Variants in XRN1 observed in about 807,000 individuals in gnomAD.
The protein encoded by XRN1 is strand-exchange protein 1 homolog.
In XRN1, 67 loss-of-function variants were observed where a neutral mutation model predicts 222.3. That is an observed-to-expected ratio of 0.30 (90% CI 0.25 to 0.37). XRN1 has a LOEUF of 0.37. Ranked by LOEUF, XRN1 falls within the 10% of genes least tolerant of loss-of-function variation. The pLI, the probability that XRN1 is intolerant of heterozygous loss-of-function variation, is 1.00. For synonymous variants in XRN1, 643 were observed against 652.4 expected, an observed-to-expected ratio of 0.99 and a Z score of 0.22; for missense variants, 1,707 against 2,000.2, an observed-to-expected ratio of 0.85 and a Z score of 2.80.
chr3:142,336,615 G>A (rs1019883148), intron 33 of XRN1, among the ~76,000 whole-genome samples: 1 of 150,348 alleles, frequency 6.7e-6, no homozygotes, highest in Non-Finnish European at 1.5e-5. Flanking sequence ...TAGAGAGAGA[G>A]GAAAAGAGAA....
chr3:142,401,081 T>C (rs544276502), intron 18 of XRN1, among the ~76,000 whole-genome samples: 2 of 152,296 alleles, frequency 1.3e-5, no homozygotes, highest in East Asian at 3.9e-4. Context: ...AGAAAAGAAC[T>C]ATTGACTGTT....
intron 27 of XRN1, among the ~76,000 whole-genome samples, chr3:142,366,147 T>G (rs1219950101): frequency 2.0e-5 from 3 of 152,176 alleles, no homozygotes; most frequent in Non-Finnish European, 4.4e-5. Context: ...ATCTGTTCTA[T>G]CTAATAAAAA....
chr3:142,434,040 A>G (rs952525085), intron 1 of XRN1, among the ~76,000 whole-genome samples: 1 of 152,268 alleles, frequency 6.6e-6, no homozygotes, highest in African/African-American at 2.4e-5. Context: ...TGACAGTTGT[A>G]ACCATGAGAG....
At chr3:142,431,078 T>G (rs189348698) in intron 2 of XRN1, among the ~76,000 whole-genome samples, 294 of 152,320 alleles carry the variant, frequency 1.9e-3, no homozygotes, top group Middle Eastern at 6.8e-3. Flanking sequence ...AATACACGTT[T>G]GTTGAATTAA....
intron 20 of XRN1, among the ~76,000 whole-genome samples, chr3:142,390,295 C>T (rs2067668262): frequency 6.6e-6 from 1 of 152,216 alleles, no homozygotes; most frequent in African/African-American, 2.4e-5. Context: ...CTATGGAAGT[C>T]CAGGATGGCA....
rs895848546 is a variant in XRN1, at chr3:142,384,165, G to A, written c.2502+358C>T. Among the ~76,000 whole-genome samples the A allele has an allele frequency of 5.9e-5, 9 of 151,682 alleles. No individual in the cohort carries two copies. In the South Asian group the frequency reaches 8.3e-4, roughly 14 times the overall value. ...CGGGCACCTGTAGTCCCAGCTACTC[G>A]GGAAGCTGTGGCAGGAGAATGGCGT... is the stretch of plus-strand genomic sequence containing the variant. On this transcript the variant is annotated intron_variant, in intron 21 of 40. Transcript: ENST00000392981.
At chr3:142,425,599 T>C in intron 3 of XRN1, 61 bp from the exon 4 acceptor site, 1 of 1,366,694 alleles carries the variant, frequency 7.3e-7, no homozygotes, top group African/African-American at 1.4e-5. Context: ...AAGTTCTCAG[T>C]GACAACACAT....
chr3:142,413,769 C>T (rs900160791), intron 14 of XRN1, among the ~76,000 whole-genome samples: 1 of 152,090 alleles, frequency 6.6e-6, no homozygotes, highest in African/African-American at 2.4e-5. Flanking sequence ...CATCCCTATA[C>T]CAAAATGTAG....
chr3:142,311,475 A>G lies in XRN1; in HGVS notation c.*36T>C. The G allele has an allele frequency of 1.3e-6, 2 of 1,509,780 alleles. No individual in the cohort carries two copies. Among genetic ancestry groups the G allele is most frequent in the Non-Finnish European group, 8.9e-7 (1 of 1,120,382 alleles). The allele number at this position is 1,509,780 out of a possible 1,614,324, so 93.5% of individuals were successfully genotyped here. ...TATGTATTTATAAAAAGGTAGATGG[A>G]AAGAGAAGAAATTAACTTAATTCTA... On this transcript the variant is annotated 3_prime_UTR_variant, in exon 41 of 41. Coordinates refer to ENST00000392981, the MANE Select transcript of XRN1 (RefSeq NM_001282857.2).
At chr3:142,351,109 A>G (rs1186811417) in intron 32 of XRN1, among the ~76,000 whole-genome samples, 1 of 152,138 alleles carries the variant, frequency 6.6e-6, no homozygotes, top group Non-Finnish European at 1.5e-5. Context: ...TCATCTATCT[A>G]TCTGTCTATA....
In XRN1 at chr3:142,312,612, A is replaced by C. The variant is rs1193230937; in HGVS notation, c.4768T>G (p.Phe1590Val). 1 of 1,608,474 alleles carries C rather than the reference A, an allele frequency of 6.2e-7. No individual in the cohort carries two copies. Residue 1590 changes from phenylalanine to valine, a missense_variant, in exon 40 of 41, where the codon TTT becomes GTT. By Grantham distance (50) the Phe-to-Val change is conservative. This residue lies in a region of XRN1 where 473 missense variants were observed against 482.0 expected (regional missense o/e 0.98). Transcript: ENST00000392981. ...ATTTTTCTTACCTGCAGAGGTATAA[A>C]CTGATTGTGCACACCCCCTGGTATT... ...GGIPGGVHNQ[F>V]IPLQVTKKRV...
intron 30 of XRN1, among the ~76,000 whole-genome samples, chr3:142,358,680 T>C (rs1013723204): frequency 6.6e-6 from 1 of 152,116 alleles, no homozygotes; most frequent in Non-Finnish European, 1.5e-5. Flanking sequence ...AACACTTTCA[T>C]GAAAAATAAA....
chr3:142,376,096 G>A (rs1194539616), intron 24 of XRN1, 152 bp from the exon 25 acceptor site: 39 of 1,305,944 alleles, frequency 3.0e-5, no homozygotes, highest in Non-Finnish European at 3.9e-5. Context: ...AGTTATTATG[G>A]TTATTTCCAA....
At chr3:142,384,393 A>G in intron 21 of XRN1, 130 bp downstream of exon 21, 1 of 600,590 alleles carries the variant, frequency 1.7e-6, no homozygotes. Flanking sequence ...TTTGTAAATT[A>G]TATTAAATGA....
At chr3:142,351,249 G>A (rs1283671181) in intron 32 of XRN1, among the ~76,000 whole-genome samples, 4 of 152,146 alleles carry the variant, frequency 2.6e-5, no homozygotes, top group Non-Finnish European at 1.5e-5. Context: ...GAGCCCGAGA[G>A]TTTAGGTGAA....
At chr3:142,337,570 T>A (rs528223752) in intron 33 of XRN1, among the ~76,000 whole-genome samples, 1 of 152,288 alleles carries the variant, frequency 6.6e-6, no homozygotes, top group East Asian at 1.9e-4. Flanking sequence ...GGAAGAGAAA[T>A]AATTACTACA....
At chr3:142,444,050 T>C (rs1388964631) in intron 1 of XRN1, among the ~76,000 whole-genome samples, 3 of 152,146 alleles carry the variant, frequency 2.0e-5, no homozygotes, top group Admixed American at 6.5e-5. Flanking sequence ...CTCATGGACA[T>C]AGAAAATAGA....
intron 1 of XRN1, among the ~76,000 whole-genome samples, chr3:142,443,745 G>A (rs550833321): frequency 8.4e-4 from 128 of 152,376 alleles, no homozygotes; most frequent in African/African-American, 3.0e-3. Context: ...ATAACCCAAA[G>A]AGAGGAAATC....
At chr3:142,415,164 A>G (rs2068734063) in intron 13 of XRN1, among the ~76,000 whole-genome samples, 1 of 152,258 alleles carries the variant, frequency 6.6e-6, no homozygotes, top group Non-Finnish European at 1.5e-5. Flanking sequence ...GATCACATAC[A>G]CTAATTGTTT....
Sources: gnomAD v4.1 joint callset for allele counts (sites outside exome capture counted in the v4.1 genomes callset) on GRCh38, gnomAD v4.1.1 for gene constraint, gnomAD v4.1.1 regional missense constraint, MANE v1.5 for transcripts, NCBI Gene and HGNC (gene_info 2026-07-23, HGNC 2026-07-21) for gene names.